Variants in NRP2 observed in about 807,000 individuals in gnomAD.
NRP2 encodes the protein neuropilin-2.
In NRP2, 52 loss-of-function variants were observed where a neutral mutation model predicts 110.4. The observed-to-expected ratio is 0.47, with a 90% confidence interval of 0.38 to 0.59. The LOEUF is 0.59. Among genes scored for constraint, NRP2 ranks in the 20% least tolerant of loss-of-function variants. The pLI, the probability that NRP2 is intolerant of heterozygous loss-of-function variation, is 0.00. For synonymous variants in NRP2, 508 were observed against 468.9 expected, an observed-to-expected ratio of 1.08 and a Z score of -1.08; for missense variants, 1,049 against 1,203.0, an observed-to-expected ratio of 0.87 and a Z score of 1.89.
At chr2:205,741,885 C>T (rs933828368) in intron 8 of NRP2, among the ~76,000 whole-genome samples, 2 of 152,204 alleles carry the variant, frequency 1.3e-5, no homozygotes, top group Non-Finnish European at 2.9e-5. Flanking sequence ...AACCAAGACT[C>T]AAAGAGGCTA....
At chr2:205,712,083 G>A (rs965316745) in intron 2 of NRP2, among the ~76,000 whole-genome samples, 2 of 152,174 alleles carry the variant, frequency 1.3e-5, no homozygotes, top group African/African-American at 4.8e-5. Context: ...AGAAATGTAA[G>A]ACTTTGAAGT....
chr2:205,787,375 G>A (rs899525726), intron 15 of NRP2, among the ~76,000 whole-genome samples: 1 of 152,164 alleles, frequency 6.6e-6, no homozygotes, highest in Non-Finnish European at 1.5e-5. Context: ...ACTGCTCAGG[G>A]TTGGCATGGA....
At chr2:205,748,758 AC>A (rs1171809685) in intron 10 of NRP2, among the ~76,000 whole-genome samples, 2 of 152,100 alleles carry the variant, frequency 1.3e-5, no homozygotes, top group African/African-American at 2.4e-5. Flanking sequence ...TGAAGACACC[AC>A]CCCAAAACAC....
At chr2:205,739,263 A>C (rs1212254647) in intron 7 of NRP2, among the ~76,000 whole-genome samples, 1 of 152,226 alleles carries the variant, frequency 6.6e-6, no homozygotes, top group East Asian at 1.9e-4. Flanking sequence ...AAAACTTGGC[A>C]AGGATGTTGG....
intron 1 of NRP2, among the ~76,000 whole-genome samples, chr2:205,696,955 T>A (rs1575547744): frequency 6.6e-6 from 1 of 152,004 alleles, no homozygotes; most frequent in East Asian, 1.9e-4. Flanking sequence ...TAAAAAAAAA[T>A]TTAAAAAGGC....
At chr2:205,731,771 G>A (rs532174192) in intron 7 of NRP2, among the ~76,000 whole-genome samples, 1 of 152,300 alleles carries the variant, frequency 6.6e-6, no homozygotes, top group East Asian at 1.9e-4. Context: ...TGAAGATAGG[G>A]ATGAGGTAAG....
At chr2:205,691,150 AC>A (rs1281095328) in intron 1 of NRP2, among the ~76,000 whole-genome samples, 2 of 152,188 alleles carry the variant, frequency 1.3e-5, no homozygotes, top group Non-Finnish European at 2.9e-5. Flanking sequence ...ATCCTGTAAG[AC>A]TTGCCAAAGA....
At chr2:205,727,745 C>G (rs1453827181) in intron 6 of NRP2, 146 bp from the exon 7 acceptor site, 5 of 754,884 alleles carry the variant, frequency 6.6e-6, no homozygotes, top group Non-Finnish European at 8.4e-6. Context: ...AATGGAATTG[C>G]AAACTGATAC....
intron 12 of NRP2, among the ~76,000 whole-genome samples, chr2:205,754,173 G>A (rs2057696499): frequency 6.6e-6 from 1 of 152,156 alleles, no homozygotes; most frequent in African/African-American, 2.4e-5. Context: ...GAGGAGAGGG[G>A]TGAATTCCGG....
intron 15 of NRP2, among the ~76,000 whole-genome samples, chr2:205,770,622 CCTT>C (rs745807640): frequency 4.6e-5 from 7 of 152,204 alleles, no homozygotes; most frequent in African/African-American, 9.7e-5. Flanking sequence ...TCCCACGCCT[CCTT>C]CTCCTAGAAG....
At chr2:205,758,595 A>G (rs1318763696) in intron 12 of NRP2, among the ~76,000 whole-genome samples, 1 of 152,212 alleles carries the variant, frequency 6.6e-6, no homozygotes, top group Non-Finnish European at 1.5e-5. Context: ...CCTGTTGTTC[A>G]TTCCCAGGCG....
chr2:205,722,836 C>G (rs2057048990), intron 4 of NRP2, 128 bp downstream of exon 4: 1 of 733,004 alleles, frequency 1.4e-6, no homozygotes, highest in Non-Finnish European at 2.4e-6. Flanking sequence ...TGGTGACTTT[C>G]TCTTCTTCCC....
At chr2:205,703,321 A>T (rs1012777526) in intron 2 of NRP2, among the ~76,000 whole-genome samples, 1 of 152,224 alleles carries the variant, frequency 6.6e-6, no homozygotes, top group Non-Finnish European at 1.5e-5. Context: ...ATTCATCAGG[A>T]AATAGCTATT....
chr2:205,702,155 G>T (rs2056573162), intron 2 of NRP2, among the ~76,000 whole-genome samples: 1 of 152,226 alleles, frequency 6.6e-6, no homozygotes. Flanking sequence ...GACAGTTTGG[G>T]ACTATTTTCT....
intron 7 of NRP2, among the ~76,000 whole-genome samples, chr2:205,730,458 G>A (rs1453685885): frequency 7.2e-5 from 11 of 152,218 alleles, no homozygotes; most frequent in Non-Finnish European, 1.5e-4. Context: ...GCTGGATGGT[G>A]GGCACTGTGC....
At chr2:205,771,490 A>T (rs1391832444) in intron 15 of NRP2, among the ~76,000 whole-genome samples, 1 of 152,260 alleles carries the variant, frequency 6.6e-6, no homozygotes, top group Admixed American at 6.5e-5. Flanking sequence ...CAATTCTGAC[A>T]TGCAATGAGC....
chr2:205,733,758 C>T (rs935015392), intron 7 of NRP2, among the ~76,000 whole-genome samples: 5 of 152,064 alleles, frequency 3.3e-5, no homozygotes, highest in African/African-American at 1.2e-4. Context: ...CCGCTCATTG[C>T]TCTGATCCTG....
chr2:205,708,125 T>C lies in NRP2; in HGVS notation c.252-8068T>C, dbSNP rs191628665. On this transcript the variant is annotated intron_variant, in intron 2 of 16. Transcript: ENST00000357785. ...GGACTACTCTTCCTTTGCACTCTGG[T>C]ATCATTCCAGAATGCTACCAAGGGG... is the stretch of plus-strand genomic sequence containing the variant. 3.3e-3 allele frequency among the ~76,000 whole-genome samples: 503 copies of C among 152,336 alleles called. 1 individual carries two copies. The highest frequency in any genetic ancestry group is 6.8e-3 in the Middle Eastern group (2 of 294).
At chr2:205,711,407 G>A (rs1023894475) in intron 2 of NRP2, among the ~76,000 whole-genome samples, 1 of 152,116 alleles carries the variant, frequency 6.6e-6, no homozygotes, top group African/African-American at 2.4e-5. Context: ...TAGAGAATAA[G>A]GGCATGCCAT....
Sources: gnomAD v4.1 joint callset for allele counts (sites outside exome capture counted in the v4.1 genomes callset) on GRCh38, gnomAD v4.1.1 for gene constraint, MANE v1.5 for transcripts, NCBI Gene and HGNC (gene_info 2026-07-23, HGNC 2026-07-21) for gene names.